Variants in TLN1 observed in about 807,000 individuals in gnomAD.
TLN1 encodes the protein talin-1.
In TLN1, 56 loss-of-function variants were observed where a neutral mutation model predicts 292.3. That is an observed-to-expected ratio of 0.19 (90% CI 0.15 to 0.24). The LOEUF is 0.24. Ranked by LOEUF, TLN1 falls within the 10% of genes least tolerant of loss-of-function variation. The pLI is 1.00. For missense variants in TLN1, 2,433 were observed against 3,248.2 expected (o/e 0.75, Z 6.10); for synonymous variants, 1,119 against 1,253.7 (o/e 0.89, Z 2.27).
chr9:35,713,842 G>C, intron 25 of TLN1, 111 bp downstream of exon 25: 1 of 1,186,664 alleles, frequency 8.4e-7, no homozygotes, highest in Non-Finnish European at 1.2e-6. Context: ...ATAAAAGAGA[G>C]AAAGAGAAAA....
At chr9:35,721,053 G>A in intron 10 of TLN1, 140 bp from the exon 11 acceptor site, 1 of 605,640 alleles carries the variant, frequency 1.7e-6, no homozygotes. Flanking sequence ...CACCTTTCTT[G>A]AACCTCCTCT....
chr9:35,701,790 GAA>G (rs1825471113), intron 48 of TLN1, among the ~76,000 whole-genome samples: 1 of 152,134 alleles, frequency 6.6e-6, no homozygotes, highest in African/African-American at 2.4e-5. Context: ...GGGAATGAGA[GAA>G]AGAGAGAAGT....
In TLN1 at chr9:35,710,678, C is replaced by T; in HGVS notation, c.4209G>A (p.Leu1403=). The T allele has an allele frequency of 1.2e-6, 2 of 1,614,172 alleles. No homozygotes were observed. Among genetic ancestry groups the T allele is most frequent in the South Asian group, 1.1e-5 (1 of 91,072 alleles). Residue 1403 remains leucine (L), a synonymous_variant, in exon 33 of 57, where the codon CTG becomes CTA. Transcript: ENST00000314888. ...GGGAGATGCCAGTCATGGCCTCGCCCAGCACCTGAGGAACAGAGGACATCA... is the reference window on the plus strand; with the variant it reads ...GGGAGATGCCAGTCATGGCCTCGCCTAGCACCTGAGGAACAGAGGACATCA... ...LDSVMENSKV[L]GEAMTGISQN...
chr9:35,708,358 C>G lies in TLN1; in HGVS notation c.4453G>C (p.Gly1485Arg). 1 of 1,609,482 alleles carries G rather than the reference C, an allele frequency of 6.2e-7. No individual in the cohort carries two copies. The highest frequency in any genetic ancestry group is 8.5e-7 in the Non-Finnish European group (1 of 1,177,458). ...TGAGTTACCTGGGCCTGGGTACAGC[C>G]AGGCTCTCCCAAACTCTGGCAGGCC... is the stretch of plus-strand genomic sequence containing the variant. Reference protein sequence around the residue: ...QMACQSLGEPGCTQAQVLSAA... With the variant: ...QMACQSLGEPRCTQAQVLSAA... The change falls in exon 34 of 57, where the codon GGC becomes CGC. Residue 1485 changes from glycine (G) to arginine (R), a missense_variant. Physicochemically the swap from Gly to Arg is moderately radical, Grantham distance 125. This residue lies in a region of TLN1 where 1,384 missense variants were observed against 1,699.6 expected (regional missense o/e 0.81). Transcript: ENST00000314888.
chr9:35,709,198 G>A (rs1825616719), intron 33 of TLN1, among the ~76,000 whole-genome samples: 1 of 152,236 alleles, frequency 6.6e-6, no homozygotes, highest in Non-Finnish European at 1.5e-5. Context: ...GGGAGGCTGA[G>A]GTAGGAGAAT....
intron 33 of TLN1, among the ~76,000 whole-genome samples, chr9:35,709,617 G>A (rs561798808): frequency 5.9e-5 from 9 of 152,096 alleles, no homozygotes; most frequent in Non-Finnish European, 1.0e-4. Flanking sequence ...GGCCGGGCGC[G>A]GTGGCTCACG....
intron 1 of TLN1, among the ~76,000 whole-genome samples, chr9:35,727,010 C>T (rs1267209512): frequency 6.6e-6 from 1 of 152,238 alleles, no homozygotes; most frequent in Non-Finnish European, 1.5e-5. Flanking sequence ...TTCAGTGCAG[C>T]TCAGAATACT....
intron 20 of TLN1, among the ~76,000 whole-genome samples, chr9:35,715,823 C>T (rs942575769): frequency 6.6e-6 from 1 of 152,162 alleles, no homozygotes; most frequent in African/African-American, 2.4e-5. Flanking sequence ...TATTAAAGGA[C>T]ACAAAATTAT....
rs779175611 is a variant in TLN1, at chr9:35,724,730, G to C, written c.359-6C>G. 2 of 1,614,062 alleles carry C rather than the reference G, an allele frequency of 1.2e-6. No homozygotes were observed. The highest frequency in any genetic ancestry group is 3.3e-5 in the Admixed American group (2 of 59,986). ...TTCATCATGATTGGTGATGCCTGAG[G>C]AAGGAGATGGCTTGTTAGCTTCCCA... On this transcript the variant is annotated splice_region_variant and splice_polypyrimidine_tract_variant and intron_variant, in intron 4 of 56. Coordinates refer to ENST00000314888, the MANE Select transcript of TLN1 (RefSeq NM_006289.4). This position sits in a 1 kb window ranked among gnomAD's most constrained non-coding sequence, Gnocchi z 4.7.
rs1202885931 is a variant in TLN1 at position 35,706,569 on chromosome 9, A to G, written c.5089-18T>C. On this transcript the variant is annotated intron_variant, in intron 38 of 56. Coordinates refer to ENST00000314888, the MANE Select transcript of TLN1 (RefSeq NM_006289.4). This position sits in a 1 kb window ranked among gnomAD's most constrained non-coding sequence, Gnocchi z 4.2. ...TGCAAGGCCTGGGGAGGAAGTGGAC[A>G]TTAGCCCTGATGGTGACCTGCAATA... The G allele has an allele frequency of 6.2e-7, 1 of 1,612,684 alleles. No individual in the cohort carries two copies. Among genetic ancestry groups the G allele is most frequent in the Non-Finnish European group, 8.5e-7 (1 of 1,179,020 alleles).
intron 43 of TLN1, 149 bp downstream of exon 43, chr9:35,705,402 C>A: frequency 5.0e-6 from 4 of 797,214 alleles, no homozygotes; most frequent in Non-Finnish European, 7.9e-6. Context: ...TCTGTCCCTA[C>A]CCAGAGCCTC....
Position 35,713,129 on chromosome 9 carries a change from C to T in TLN1, c.3352+67G>A, listed in dbSNP as rs186686674. ...GTGGTTTCGTCTGTCAGTCCCATCC[C>T]TCATCCAGCTCCCATTTTCCTACCT... On this transcript the variant is annotated intron_variant, in intron 26 of 56. Coordinates refer to ENST00000314888, the MANE Select transcript of TLN1 (RefSeq NM_006289.4). The T allele has an allele frequency of 2.5e-6, 4 of 1,571,618 alleles. No individual in the cohort carries two copies. In the African/African-American group the frequency reaches 4.0e-5, roughly 16 times the overall value.
At chr9:35,712,243 G>A (rs1825686555) in intron 27 of TLN1, 119 bp from the exon 28 acceptor site, 2 of 1,354,514 alleles carry the variant, frequency 1.5e-6, no homozygotes, top group Non-Finnish European at 2.0e-6. Flanking sequence ...AAGAAAGGGG[G>A]CGTTGTAGGT....
At chr9:35,727,774 T>C (rs1826002762) in intron 1 of TLN1, among the ~76,000 whole-genome samples, 1 of 152,032 alleles carries the variant, frequency 6.6e-6, no homozygotes, top group Non-Finnish European at 1.5e-5. Context: ...CTCCCCCCAT[T>C]TCCTCTGGAC....
chr9:35,721,614 C>T lies in TLN1; in HGVS notation c.1104+34G>A, dbSNP rs775796407. On this transcript the variant is annotated intron_variant, in intron 10 of 56. Transcript: ENST00000314888. ...GCAGCTGCCCCTTTAATGAAACTCC[C>T]AAAGCACTTTCTTGTTATAGTCCCC... is the stretch of plus-strand genomic sequence containing the variant. 3.1e-5 allele frequency: 49 copies of T among 1,598,914 alleles called. 1 individual carries two copies. The South Asian group carries it at 4.7e-4, about 15-fold the overall frequency.
In TLN1 at chr9:35,714,907, C is replaced by T. The variant is rs1352347058; in HGVS notation, c.2755-31G>A. 1.3e-6 allele frequency: 2 copies of T among 1,595,636 alleles called. No individual in the cohort carries two copies. The highest frequency in any genetic ancestry group is 1.7e-6 in the Non-Finnish European group (2 of 1,170,708). ...AAGACAAGAGTAGTCAGACCAAGCC[C>T]ATGGATTCCCATGCCCAGCCCAGTC... On this transcript the variant is annotated intron_variant, in intron 21 of 56. Transcript: ENST00000314888. This position sits in a 1 kb window ranked among gnomAD's most constrained non-coding sequence, Gnocchi z 4.6.
Position 35,719,095 on chromosome 9 carries a change from A to G in TLN1, c.1875T>C (p.Ser625=). 2 of 1,613,302 alleles carry G rather than the reference A, an allele frequency of 1.2e-6. No individual in the cohort carries two copies. The highest frequency in any genetic ancestry group is 1.7e-6 in the Non-Finnish European group (2 of 1,179,816). The part of the protein sequence containing the change: ...LAGAVSELLR[S]AQPASAEPRQ... Reference sequence around the variant, plus strand: ...TGACCTCAGCACTGGCTGGTTGGGCACTGCGCAGCAGTTCTGACACTGCTC... The same window carrying G: ...TGACCTCAGCACTGGCTGGTTGGGCGCTGCGCAGCAGTTCTGACACTGCTC... The change falls in exon 16 of 57, where the codon AGT becomes AGC. Residue 625 remains serine (S), a synonymous_variant. Coordinates refer to ENST00000314888, the MANE Select transcript of TLN1 (RefSeq NM_006289.4). This position sits in a 1 kb window ranked among gnomAD's most constrained non-coding sequence, Gnocchi z 4.6.
In TLN1 at chr9:35,720,894, T is replaced by C. The variant is rs1303821612; in HGVS notation, c.1124A>G (p.Asp375Gly). 1.2e-6 allele frequency: 2 copies of C among 1,614,000 alleles called. No homozygotes were observed. The highest frequency in any genetic ancestry group is 1.7e-5 in the Admixed American group (1 of 60,022). The change falls in exon 11 of 57, where the codon GAT becomes GGT. Residue 375 changes from aspartate to glycine, a missense_variant. Asp to Gly is a moderately conservative substitution (Grantham distance 94). Transcript: ENST00000314888. ...AGTTGTCTGTACTGAGTAATAGCCA[T>C]CTTGGTAATCTCCAAAATCCTAGGG... The part of the protein sequence containing the change: ...SFTLDFGDYQ[D>G]GYYSVQTTEG...
intron 9 of TLN1, 121 bp downstream of exon 9, chr9:35,721,998 G>T: frequency 8.5e-7 from 1 of 1,173,574 alleles, no homozygotes; most frequent in Non-Finnish European, 1.3e-6. Flanking sequence ...GAGCAAGGAA[G>T]AGAATGGGAA....
Sources: gnomAD v4.1 joint callset for allele counts (sites outside exome capture counted in the v4.1 genomes callset) on GRCh38, gnomAD v4.1.1 for gene constraint, gnomAD v4.1.1 regional missense constraint, Gnocchi (gnomAD v3.1) non-coding constraint, MANE v1.5 for transcripts, NCBI Gene and HGNC (gene_info 2026-07-23, HGNC 2026-07-21) for gene names.